IFT46: variants seen among roughly 807,000 people sequenced by gnomAD.
IFT46 encodes the protein intraflagellar transport protein 46 homolog.
In IFT46, 19 loss-of-function variants were observed where a neutral mutation model predicts 39.6. The ratio of observed to expected loss-of-function variants is 0.48; its 90% CI spans 0.33 to 0.70. The LOEUF (loss-of-function observed/expected upper bound fraction) is 0.70, where lower values mean the gene tolerates loss of function less well. IFT46 is among the 30% of genes least tolerant of loss of function. IFT46 has a pLI of 0.01. For synonymous variants in IFT46, 117 were observed against 134.8 expected (o/e 0.87, Z 0.91); for missense variants, 334 against 364.8 (o/e 0.92, Z 0.69).
chr11:118,572,441 T>C lies in IFT46; in HGVS notation c.-133+155A>G, dbSNP rs1489255717. On this transcript the variant is annotated intron_variant, in intron 1 of 5. Coordinates refer to the IFT46 transcript ENST00000528378. ...CAAGAGGCGAAGCGGCAGCGGTTCC[T>C]GTCAAGGGGGCAGCAGGTCCAGAGC... 19 of 1,098,800 alleles carry C rather than the reference T, an allele frequency of 1.7e-5. No individual in the cohort carries two copies. The East Asian group carries it at 3.6e-4, about 21-fold the overall frequency. 68.1% of individuals were successfully genotyped at this position (1,098,800 alleles called of 1,614,324 possible). A position where few individuals can be genotyped will look rare whatever the true frequency, so the allele number is the denominator to read the frequency against.
rs782276570 is a variant in IFT46, at chr11:118,545,769, C to T, written c.733+24G>A. 3.4e-5 allele frequency: 54 copies of T among 1,609,728 alleles called. No homozygotes were observed. In the Middle Eastern group the frequency reaches 1.2e-3, roughly 34 times the overall value. ...GAGTGTCTCTATCCAGAGATGGGGACGAGGAAAGGAAAGAGGAACTCACCA... is the reference window on the plus strand; with the variant it reads ...GAGTGTCTCTATCCAGAGATGGGGATGAGGAAAGGAAAGAGGAACTCACCA... On this transcript the variant is annotated intron_variant, in intron 10 of 11. Transcript: ENST00000264021.
chr11:118,572,708 G>A lies in IFT46; in HGVS notation c.-245C>T, dbSNP rs1317087035. On this transcript the variant is annotated 5_prime_UTR_variant, in exon 1 of 6. Coordinates refer to the IFT46 transcript ENST00000528378. ...GGGAGCAGTGTGGCCTCCTGTGCCC[G>A]GTCTCCTGGAGATCCGATGGAGCTG... 1.7e-5 allele frequency: 14 copies of A among 818,704 alleles called. No individual in the cohort carries two copies. The African/African-American group carries it at 2.1e-4, about 12-fold the overall frequency. The allele number at this position is 818,704 out of a possible 1,614,324, so 50.7% of individuals were successfully genotyped here.
At chr11:118,571,690 C>T (rs562182308) in intron 1 of IFT46, among the ~76,000 whole-genome samples, 1 of 152,294 alleles carries the variant, frequency 6.6e-6, no homozygotes, top group South Asian at 2.1e-4. Context: ...CATATCTATT[C>T]AAATCTTTTG....
At chr11:118,558,017 T>A in intron 3 of IFT46, 2 of 940,882 alleles carry the variant, frequency 2.1e-6, no homozygotes, top group Non-Finnish European at 3.1e-6. Flanking sequence ...GTTTTTATGG[T>A]AAAGCAGCTA....
chr11:118,567,810 G>A (rs944871853), upstream of IFT46, among the ~76,000 whole-genome samples: 1 of 152,122 alleles, frequency 6.6e-6, no homozygotes, highest in Non-Finnish European at 1.5e-5. Context: ...TAGTTTTTTT[G>A]TGGGGAGCAC....
At chr11:118,556,086 G>A (rs1432212312) in intron 4 of IFT46, among the ~76,000 whole-genome samples, 1 of 152,066 alleles carries the variant, frequency 6.6e-6, no homozygotes, top group Admixed American at 6.5e-5. Context: ...GCAGTGACCC[G>A]ATCATAGCTC....
Position 118,554,572 on chromosome 11 carries a change from C to T in IFT46, c.370G>A (p.Gly124Arg). ...DAFLKVPRPD[G>R]KPDNLGLLVL... ...AATAGGCCAAGGTTGTCAGGCTTTC[C>T]ATCAGGACGTGGGACCTGGTTAAGA... The change falls in exon 7 of 12, where the codon GGA (glycine) becomes AGA (arginine). Residue 124 changes from glycine (G) to arginine (R), a missense_variant. By Grantham distance (125) the Gly-to-Arg change is moderately radical. Coordinates refer to ENST00000264021, the MANE Select transcript of IFT46 (RefSeq NM_001168618.2). 6.2e-7 allele frequency: 1 copy of T among 1,606,922 alleles called. No homozygotes were observed. The highest frequency in any genetic ancestry group is 2.2e-5 in the East Asian group (1 of 44,828).
At chr11:118,573,795 G>C (rs1023482326), upstream of IFT46, 1 of 533,578 alleles carries the variant, frequency 1.9e-6, no homozygotes, top group Admixed American at 3.4e-5. Context: ...TATATAAATT[G>C]CATCAAACAG....
Position 118,549,437 on chromosome 11 carries a change from ACTGT to A in IFT46, c.672+2345_672+2348del, listed in dbSNP as rs377541401. On this transcript the variant is annotated intron_variant, in intron 9 of 11. Transcript: ENST00000264021. Reference sequence around the variant, plus strand: ...ATAAAATATTTTTTCTCAGACTGCTACTGTCTTTTAACTTTGTTTATGGTATCTA... The same window carrying A: ...ATAAAATATTTTTTCTCAGACTGCTACTTTTAACTTTGTTTATGGTATCTA... 6.4e-3 allele frequency among the ~76,000 whole-genome samples: 979 copies of A among 151,866 alleles called. 6 individuals carry two copies. The highest frequency in any genetic ancestry group is 0.041 in the Middle Eastern group (12 of 294).
intron 6 of IFT46, 36 bp downstream of exon 6, chr11:118,554,954 A>G: frequency 7.0e-7 from 1 of 1,425,884 alleles, no homozygotes; most frequent in Non-Finnish European, 9.9e-7. Context: ...CAGAAGAAAC[A>G]CTTAAGGAGT....
At chr11:118,562,062 G>A (rs1043888253) in intron 2 of IFT46, among the ~76,000 whole-genome samples, 5 of 152,012 alleles carry the variant, frequency 3.3e-5, no homozygotes, top group Non-Finnish European at 7.4e-5. Flanking sequence ...ATCACCTGAG[G>A]TCAGGAGTTC....
chr11:118,572,453 A>T, intron 1 of IFT46: 1 of 1,308,636 alleles, frequency 7.6e-7, no homozygotes, highest in Non-Finnish European at 1.0e-6. Context: ...TCAAGGGGGC[A>T]GCAGGTCCAG....
At chr11:118,572,484 C>A (rs1938365999) in intron 1 of IFT46, 1 of 1,592,150 alleles carries the variant, frequency 6.3e-7, no homozygotes, top group Non-Finnish European at 8.6e-7. Context: ...GCTCCCGTTC[C>A]CCAGACCCTA....
upstream of IFT46, among the ~76,000 whole-genome samples, chr11:118,575,670 G>T (rs1028201050): frequency 4.6e-5 from 7 of 152,186 alleles, no homozygotes; most frequent in African/African-American, 1.7e-4. Flanking sequence ...GCATGTATAT[G>T]TGTATAAAAT....
In IFT46 at chr11:118,552,279, G is replaced by T. The variant is rs1352849409; in HGVS notation, c.540C>A (p.Asp180Glu). 1.2e-6 allele frequency: 2 copies of T among 1,614,048 alleles called. No homozygotes were observed. Among genetic ancestry groups the T allele is most frequent in the Non-Finnish European group, 1.7e-6 (2 of 1,180,008 alleles). Residue 180 changes from aspartate to glutamate, a missense_variant, in exon 8 of 12, where the codon GAC (aspartate) becomes GAA (glutamate). Physicochemically the swap from Asp to Glu is conservative, Grantham distance 45. Transcript: ENST00000264021. ...EDAEKNPKAI[D>E]TWIESISELH... is the part of the protein sequence containing the mutation. Reference sequence around the variant, plus strand: ...ATTCAGAGATGCTCTCAATCCACGTGTCAATGGCTTTGGGATTCTTTTCTG... The same window carrying T: ...ATTCAGAGATGCTCTCAATCCACGTTTCAATGGCTTTGGGATTCTTTTCTG...
intron 7 of IFT46, among the ~76,000 whole-genome samples, chr11:118,553,014 C>T (rs573500157): frequency 6.6e-6 from 1 of 151,178 alleles, no homozygotes; most frequent in African/African-American, 2.4e-5. Context: ...GCTTGCAGAT[C>T]GAGGCTACAG....
intron 9 of IFT46, among the ~76,000 whole-genome samples, chr11:118,550,232 TGGCCTAAGCCACTGCACCC>T (rs1384889000): frequency 2.6e-5 from 4 of 152,204 alleles, no homozygotes; most frequent in Admixed American, 6.5e-5. Context: ...CCACCGCGCC[TGGCCTAAGCCACTGCACCC>T]GGCCTCAATA....
At position 118,555,205 on chromosome 11, in the gene IFT46, A is replaced by G. The variant is rs781857636; in HGVS notation, c.260+43T>C. The G allele has an allele frequency of 7.0e-6, 11 of 1,574,460 alleles. No homozygotes were observed. In the South Asian group the frequency reaches 1.2e-4, roughly 17 times the overall value. On this transcript the variant is annotated intron_variant, in intron 5 of 11. Coordinates refer to ENST00000264021, the MANE Select transcript of IFT46 (RefSeq NM_001168618.2). The stretch of plus-strand genomic sequence containing the variant: ...ACTAGAGATAGGAAAGGTTTGGGGC[A>G]AGGTAGGGATAGTGGGGTATGGTGG...
At chr11:118,553,473 T>A (rs116078117) in intron 7 of IFT46, among the ~76,000 whole-genome samples, 1,694 of 151,352 alleles carry the variant, frequency 0.011, 29 homozygotes, top group African/African-American at 0.038. Context: ...ATTTCACACC[T>A]ACTAGGATGG....
Sources: allele counts gnomAD v4.1 joint callset (sites outside exome capture counted in the v4.1 genomes callset), GRCh38; gene constraint gnomAD v4.1.1; transcripts MANE v1.5; gene names NCBI Gene and HGNC (gene_info 2026-07-23, HGNC 2026-07-21).